The following FOXP2 variants were observed in gnomAD, a reference collection of about 807,000 sequenced individuals.
FOXP2 encodes the protein forkhead box protein P2.
FOXP2 carries 12 observed loss-of-function variants against 115.8 expected under a neutral mutation model. The ratio of observed to expected loss-of-function variants is 0.10; its 90% CI spans 0.07 to 0.17. FOXP2 has a LOEUF of 0.17. Among genes scored for constraint, FOXP2 ranks in the 10% least tolerant of loss-of-function variants. The probability of loss-of-function intolerance (pLI) is 1.00; values close to 1 mark genes in which losing one functional copy is unlikely to be tolerated. For synonymous variants in FOXP2, 328 were observed against 297.7 expected, an observed-to-expected ratio of 1.10 and a Z score of -1.05; for missense variants, 629 against 843.5, an observed-to-expected ratio of 0.75 and a Z score of 3.15.
At chr7:114,509,486 A>G (rs1389313739) in intron 2 of FOXP2, among the ~76,000 whole-genome samples, 1 of 152,092 alleles carries the variant, frequency 6.6e-6, no homozygotes, top group Non-Finnish European at 1.5e-5. Flanking sequence ...ATGCAGTAGA[A>G]GTGGTATAAA....
chr7:114,466,683 AC>A lies in FOXP2; in HGVS notation c.168+40005del, dbSNP rs569262547. On this transcript the variant is annotated intron_variant, in intron 2 of 16. Coordinates refer to ENST00000350908, the MANE Select transcript of FOXP2 (RefSeq NM_014491.4). ...TTAAACATGGAACACTTGTGTTGAAACTTTTTTGAAACTCCAGTCAGCTTTT... is the reference window on the plus strand; with the variant it reads ...TTAAACATGGAACACTTGTGTTGAAATTTTTTGAAACTCCAGTCAGCTTTT... Among the ~76,000 whole-genome samples, 80 of 152,296 alleles carry A rather than the reference AC, an allele frequency of 5.3e-4. 1 individual carries two copies. The South Asian group carries it at 0.016, about 30-fold the overall frequency.
At chr7:114,106,783 G>A (rs1278354811) in intron 1 of FOXP2, among the ~76,000 whole-genome samples, 1 of 151,864 alleles carries the variant, frequency 6.6e-6, no homozygotes, top group African/African-American at 2.4e-5. Flanking sequence ...GTTCTCTGAG[G>A]CTATTAGATG....
intron 2 of FOXP2, among the ~76,000 whole-genome samples, chr7:114,321,175 C>CTTTATTTATTTA (rs60714472): frequency 0.031 from 4,394 of 140,820 alleles, 110 homozygotes; most frequent in Non-Finnish European, 0.036. Flanking sequence ...TATCTAGTAA[C>CTTTATTTATTTA]TTTATTTATT....
chr7:114,276,165 G>A (rs915757469), intron 1 of FOXP2, among the ~76,000 whole-genome samples: 2 of 151,998 alleles, frequency 1.3e-5, no homozygotes, highest in African/African-American at 4.8e-5. Flanking sequence ...TGTTATTTAT[G>A]TATTACTTTT....
At chr7:114,147,609 TA>T (rs1241197740) in intron 1 of FOXP2, among the ~76,000 whole-genome samples, 7 of 152,202 alleles carry the variant, frequency 4.6e-5, no homozygotes, top group Non-Finnish European at 5.9e-5. Context: ...ATAAATAGTA[TA>T]TTTTTTTTGC....
intron 3 of FOXP2, among the ~76,000 whole-genome samples, chr7:114,595,962 A>G (rs1217596526): frequency 3.3e-5 from 5 of 152,060 alleles, no homozygotes; most frequent in Admixed American, 2.6e-4. Flanking sequence ...TAATAATATG[A>G]GTAGTTTCAG....
At chr7:114,257,833 G>C (rs941050455) in intron 1 of FOXP2, among the ~76,000 whole-genome samples, 2 of 152,092 alleles carry the variant, frequency 1.3e-5, no homozygotes, top group Non-Finnish European at 1.5e-5. Flanking sequence ...ATGTTCCAGG[G>C]AAATCCTTGA....
chr7:114,146,079 T>C (rs575353003), intron 1 of FOXP2, among the ~76,000 whole-genome samples: 131 of 152,322 alleles, frequency 8.6e-4, no homozygotes, highest in Middle Eastern at 3.4e-3. Context: ...GTGAAACTTG[T>C]ACCTTCAAGA....
At chr7:114,139,347 G>C (rs1214210933) in intron 1 of FOXP2, among the ~76,000 whole-genome samples, 1 of 152,076 alleles carries the variant, frequency 6.6e-6, no homozygotes, top group African/African-American at 2.4e-5. Context: ...AGGTTGCAGG[G>C]AACAGTTCCC....
At chr7:114,328,164 C>G (rs991667452) in intron 2 of FOXP2, among the ~76,000 whole-genome samples, 2 of 151,716 alleles carry the variant, frequency 1.3e-5, no homozygotes, top group Non-Finnish European at 2.9e-5. Flanking sequence ...AATGAGCCTC[C>G]TATCCCGGCC....
intron 3 of FOXP2, among the ~76,000 whole-genome samples, chr7:114,546,502 A>G (rs943840853): frequency 6.6e-6 from 1 of 152,208 alleles, no homozygotes; most frequent in African/African-American, 2.4e-5. Context: ...TGTTTTACAT[A>G]TGCCAGGCAT....
chr7:114,608,180 A>G (rs912389122), intron 3 of FOXP2, among the ~76,000 whole-genome samples: 5 of 152,340 alleles, frequency 3.3e-5, no homozygotes, highest in African/African-American at 1.2e-4. Context: ...ACTTAAAACA[A>G]TACATATTTA....
chr7:114,365,719 G>A (rs1791861065), intron 2 of FOXP2, among the ~76,000 whole-genome samples: 1 of 152,040 alleles, frequency 6.6e-6, no homozygotes, highest in South Asian at 2.1e-4. Context: ...GGCGCAGTAC[G>A]ATTGATAGCA....
intron 2 of FOXP2, among the ~76,000 whole-genome samples, chr7:114,295,583 C>T (rs1231457955): frequency 6.6e-6 from 1 of 152,182 alleles, no homozygotes; most frequent in East Asian, 1.9e-4. Context: ...TATGAAACCT[C>T]ATTTTAAACT....
chr7:114,229,705 A>G (rs1794826750), intron 1 of FOXP2, among the ~76,000 whole-genome samples: 1 of 151,700 alleles, frequency 6.6e-6, no homozygotes, highest in Non-Finnish European at 1.5e-5. Flanking sequence ...AAAAAAAACA[A>G]AAACACAACA....
At chr7:114,324,600 A>G (rs948333114) in intron 2 of FOXP2, among the ~76,000 whole-genome samples, 6 of 151,798 alleles carry the variant, frequency 4.0e-5, no homozygotes, top group Non-Finnish European at 8.9e-5. Flanking sequence ...TGTCTTCAAC[A>G]TATTACCTAT....
At chr7:114,509,199 C>T (rs1797958823) in intron 2 of FOXP2, among the ~76,000 whole-genome samples, 1 of 152,036 alleles carries the variant, frequency 6.6e-6, no homozygotes, top group African/African-American at 2.4e-5. Context: ...AGATTATATT[C>T]TAAACAAGAC....
chr7:114,326,051 C>G (rs773083552), intron 2 of FOXP2, among the ~76,000 whole-genome samples: 1 of 152,006 alleles, frequency 6.6e-6, no homozygotes, highest in Non-Finnish European at 1.5e-5. Context: ...TAAAATCAAT[C>G]GTAAGAGGTG....
chr7:114,407,636 G>GA (rs943433614), intron 2 of FOXP2, among the ~76,000 whole-genome samples: 2 of 151,290 alleles, frequency 1.3e-5, no homozygotes, highest in Admixed American at 6.6e-5. Flanking sequence ...CAGAGAACAA[G>GA]AAAAAAAAGG....
Sources: gnomAD v4.1 joint callset for allele counts (sites outside exome capture counted in the v4.1 genomes callset) on GRCh38, gnomAD v4.1.1 for gene constraint, MANE v1.5 for transcripts, NCBI Gene and HGNC (gene_info 2026-07-23, HGNC 2026-07-21) for gene names.